UBQLN4: variants seen among roughly 807,000 people sequenced by gnomAD.
UBQLN4 encodes the protein ubiquilin-4.
In UBQLN4, 11 loss-of-function variants were observed where a neutral mutation model predicts 60.4. The ratio of observed to expected loss-of-function variants is 0.18; its 90% CI spans 0.11 to 0.30. The LOEUF (loss-of-function observed/expected upper bound fraction) is 0.30, where lower values mean the gene tolerates loss of function less well. Among genes scored for constraint, UBQLN4 ranks in the 10% least tolerant of loss-of-function variants. The probability of loss-of-function intolerance (pLI) is 1.00; values close to 1 mark genes in which losing one functional copy is unlikely to be tolerated. For missense variants in UBQLN4, 417 were observed against 795.5 expected, an observed-to-expected ratio of 0.52 and a Z score of 5.72; for synonymous variants, 258 against 313.1, an observed-to-expected ratio of 0.82 and a Z score of 1.86.
chr1:156,047,696 T>G (rs113864347), intron 5 of UBQLN4, among the ~76,000 whole-genome samples: 6 of 150,276 alleles, frequency 4.0e-5, no homozygotes, highest in Non-Finnish European at 5.9e-5. Flanking sequence ...GAGATCAAGA[T>G]CATCCTGGCT....
chr1:156,053,234 T>C (rs116537727), intron 1 of UBQLN4, among the ~76,000 whole-genome samples: 3,352 of 152,024 alleles, frequency 0.022, 123 homozygotes, highest in African/African-American at 0.077. Flanking sequence ...GCGCCGGCGC[T>C]CTCCGCCTGC....
At chr1:156,040,299 G>T (rs935669722) in intron 10 of UBQLN4, among the ~76,000 whole-genome samples, 1 of 151,764 alleles carries the variant, frequency 6.6e-6, no homozygotes, top group Non-Finnish European at 1.5e-5. Flanking sequence ...GGGAGGTTGA[G>T]GCAGGAGAAT....
chr1:156,034,338 C>T (rs939665583), downstream of UBQLN4, among the ~76,000 whole-genome samples: 12 of 144,572 alleles, frequency 8.3e-5, no homozygotes, highest in Admixed American at 4.4e-4. Flanking sequence ...GCTCTGTCGC[C>T]CCCAGGCTAG....
At chr1:156,042,594 T>C (rs529111682) in intron 7 of UBQLN4, 180 bp downstream of exon 7, 29 of 1,105,378 alleles carry the variant, frequency 2.6e-5, no homozygotes, top group South Asian at 1.2e-4. Flanking sequence ...GTTATTATCA[T>C]CTTACAGATA....
intron 5 of UBQLN4, among the ~76,000 whole-genome samples, chr1:156,046,005 C>G (rs1037876393): frequency 6.6e-6 from 1 of 151,804 alleles, no homozygotes; most frequent in Non-Finnish European, 1.5e-5. Context: ...ACCACCACAC[C>G]TGGCTAAGTT....
intron 5 of UBQLN4, among the ~76,000 whole-genome samples, chr1:156,044,561 A>G (rs1191816679): frequency 6.6e-6 from 1 of 151,992 alleles, no homozygotes; most frequent in Non-Finnish European, 1.5e-5. Flanking sequence ...GTAGCCAAAT[A>G]TTTGTGTTCC....
intron 10 of UBQLN4, among the ~76,000 whole-genome samples, chr1:156,038,694 T>G (rs544075807): frequency 6.6e-6 from 1 of 152,050 alleles, no homozygotes; most frequent in East Asian, 1.9e-4. Flanking sequence ...AAGAAAAAAA[T>G]TTTTTTAGCA....
downstream of UBQLN4, among the ~76,000 whole-genome samples, chr1:156,034,627 G>T (rs1683351768): frequency 1.3e-5 from 2 of 150,922 alleles, no homozygotes; most frequent in African/African-American, 4.9e-5. Context: ...GGTAAGGGGA[G>T]GGCAATCTTG....
chr1:156,043,198 C>A (rs1683613445), intron 6 of UBQLN4, among the ~76,000 whole-genome samples: 1 of 152,144 alleles, frequency 6.6e-6, no homozygotes, highest in East Asian at 1.9e-4. Context: ...GCCATAAGCT[C>A]AAATTATGTC....
chr1:156,039,245 CTTTTTT>C (rs34866268), intron 10 of UBQLN4, among the ~76,000 whole-genome samples: 1 of 82,496 alleles, frequency 1.2e-5, no homozygotes, highest in Non-Finnish European at 2.5e-5. Flanking sequence ...CCTGGCCTGG[CTTTTTT>C]TTTTTTTTTT....
At position 156,035,788 on chromosome 1, in the gene UBQLN4, G is replaced by C. The variant is rs1683383447; in HGVS notation, c.*1190C>G. 1 of 985,406 alleles carries C rather than the reference G, an allele frequency of 1.0e-6. No homozygotes were observed. The highest frequency in any genetic ancestry group is 1.2e-6 in the Non-Finnish European group (1 of 829,946). The allele number at this position is 985,406 out of a possible 1,614,324, so 61.0% of individuals were successfully genotyped here. A position where few individuals can be genotyped will look rare whatever the true frequency, so the allele number is the denominator to read the frequency against. The stretch of plus-strand genomic sequence containing the variant: ...AGCCCCAAGGGACCTAGCTCTCCCG[G>C]ATATATATTCCTGCAATGGACTGAC... On this transcript the variant is annotated 3_prime_UTR_variant, in exon 11 of 11. Coordinates refer to ENST00000368309, the MANE Select transcript of UBQLN4 (RefSeq NM_020131.5).
chr1:156,035,804 A>G lies in UBQLN4; in HGVS notation c.*1174T>C, dbSNP rs1311544051. The G allele has an allele frequency of 1.0e-6, 1 of 985,390 alleles. No individual in the cohort carries two copies. The highest frequency in any genetic ancestry group is 6.2e-5 in the Admixed American group (1 of 16,254). 61.0% of individuals were successfully genotyped at this position (985,390 alleles called of 1,614,324 possible). On this transcript the variant is annotated 3_prime_UTR_variant, in exon 11 of 11. Coordinates refer to ENST00000368309, the MANE Select transcript of UBQLN4 (RefSeq NM_020131.5). ...GCTCTCCCGGATATATATTCCTGCAATGGACTGACCTTTTTACCCACTTGT... is the reference window on the plus strand; with the variant it reads ...GCTCTCCCGGATATATATTCCTGCAGTGGACTGACCTTTTTACCCACTTGT...
chr1:156,036,418 C>G lies in UBQLN4; in HGVS notation c.*560G>C, dbSNP rs529554479. The G allele has an allele frequency of 3.7e-4, 363 of 985,788 alleles. 3 individuals carry two copies. The South Asian group carries it at 3.8e-3, about 10-fold the overall frequency. The allele number at this position is 985,788 out of a possible 1,614,324, so 61.1% of individuals were successfully genotyped here. On this transcript the variant is annotated 3_prime_UTR_variant, in exon 11 of 11. Coordinates refer to ENST00000368309, the MANE Select transcript of UBQLN4 (RefSeq NM_020131.5). ...TTCCTCCTTACCCTGGAATTTCCAA[C>G]AGTTCCCACCAAAAAGTGCTGAATG...
intron 1 of UBQLN4, 23 bp downstream of exon 1, chr1:156,053,564 GCTCCCCC>G: frequency 5.0e-6 from 6 of 1,203,124 alleles, no homozygotes; most frequent in Non-Finnish European, 6.4e-6. Context: ...CCTCCTCCGC[GCTCCCCC>G]CGCCCCCCGC....
intron 9 of UBQLN4, 66 bp from the exon 10 acceptor site, chr1:156,041,737 A>G (rs1683573032): frequency 1.4e-6 from 2 of 1,461,790 alleles, no homozygotes; most frequent in Non-Finnish European, 9.1e-7. Flanking sequence ...TGTGAGATCC[A>G]GAAGGAAAAG....
In UBQLN4 at chr1:156,048,065, C is replaced by A. The variant is rs1174592855; in HGVS notation, c.900+436G>T. On this transcript the variant is annotated intron_variant, in intron 5 of 10. Transcript: ENST00000368309. This position sits in a 1 kb window ranked among gnomAD's most constrained non-coding sequence, Gnocchi z 4.9. Reference sequence around the variant, plus strand: ...TAAAGCATTTTTAAAAGTGTATAATCCTGGGGCCCAACCCCAGAAATGGAT... The same window carrying A: ...TAAAGCATTTTTAAAAGTGTATAATACTGGGGCCCAACCCCAGAAATGGAT... 2.6e-5 allele frequency among the ~76,000 whole-genome samples: 4 copies of A among 151,900 alleles called. No individual in the cohort carries two copies. Among genetic ancestry groups the A allele is most frequent in the African/African-American group, 9.7e-5 (4 of 41,330 alleles).
chr1:156,033,131 T>C (rs939301823), downstream of UBQLN4: 16 of 852,780 alleles, frequency 1.9e-5, no homozygotes, highest in East Asian at 1.2e-3. Context: ...AATACTTATG[T>C]AGCTGCTGCC....
In UBQLN4 at chr1:156,048,292, A is replaced by G. The variant is rs117111653; in HGVS notation, c.900+209T>C. 7.6e-4 allele frequency among the ~76,000 whole-genome samples: 116 copies of G among 152,344 alleles called. 1 individual carries two copies. The East Asian group carries it at 0.02, about 26-fold the overall frequency. On this transcript the variant is annotated intron_variant, in intron 5 of 10. Transcript: ENST00000368309. The surrounding 1 kb of genome is among the most constrained non-coding windows in gnomAD (Gnocchi z 4.9). Reference sequence around the variant, plus strand: ...TCAAGTTCCTTGGATGCTATGCCTCAACCACTTCCACAAGGACCTCTGCTT... The same window carrying G: ...TCAAGTTCCTTGGATGCTATGCCTCGACCACTTCCACAAGGACCTCTGCTT...
chr1:156,041,710 C>A, intron 9 of UBQLN4, 39 bp from the exon 10 acceptor site: 1 of 1,475,668 alleles, frequency 6.8e-7, no homozygotes, highest in Admixed American at 2.7e-5. Flanking sequence ...AGATGGCATC[C>A]AAGAAAGGGA....
Sources: gnomAD v4.1 joint callset for allele counts (sites outside exome capture counted in the v4.1 genomes callset) on GRCh38, gnomAD v4.1.1 for gene constraint, Gnocchi (gnomAD v3.1) non-coding constraint, MANE v1.5 for transcripts, NCBI Gene and HGNC (gene_info 2026-07-23, HGNC 2026-07-21) for gene names.